The following ASB5 variants were observed in gnomAD, a reference collection of about 807,000 sequenced individuals.
The protein encoded by ASB5 is ankyrin repeat and SOCS box containing 5.
A neutral mutation model predicts 42.1 loss-of-function variants in ASB5; 45 were observed. The ratio of observed to expected loss-of-function variants is 1.07; its 90% confidence interval spans 0.84 to 1.37. The LOEUF is 1.37. Among genes scored for constraint, ASB5 ranks in the 40% most tolerant of loss-of-function variants. The probability of loss-of-function intolerance (pLI) is 0.00; values close to 1 mark genes in which losing one functional copy is unlikely to be tolerated. For synonymous variants in ASB5, 147 were observed against 150.6 expected (o/e 0.98, Z 0.18); for missense variants, 402 against 399.8 (o/e 1.01, Z -0.05).
intron 1 of ASB5, among the ~76,000 whole-genome samples, chr4:176,249,158 G>T (rs1273070077): frequency 1.3e-5 from 2 of 152,188 alleles, no homozygotes; most frequent in Non-Finnish European, 2.9e-5. Context: ...GTAGAGACAG[G>T]GTTTCGCCAT....
intron 1 of ASB5, among the ~76,000 whole-genome samples, chr4:176,263,138 A>G (rs2126977283): frequency 6.6e-6 from 1 of 152,226 alleles, no homozygotes; most frequent in South Asian, 2.1e-4. Flanking sequence ...GTTGTTGAAA[A>G]GCACACACAC....
At chr4:176,258,009 G>A (rs1333253767) in intron 1 of ASB5, among the ~76,000 whole-genome samples, 2 of 152,106 alleles carry the variant, frequency 1.3e-5, no homozygotes, top group South Asian at 2.1e-4. Flanking sequence ...TGTAGTAACC[G>A]TTTGGCAAAC....
At chr4:176,232,691 C>G (rs1322929626) in intron 1 of ASB5, among the ~76,000 whole-genome samples, 1 of 152,200 alleles carries the variant, frequency 6.6e-6, no homozygotes. Context: ...CACAGAGCCA[C>G]AGAAATCCTT....
chr4:176,253,470 C>T (rs1387425194), intron 1 of ASB5, among the ~76,000 whole-genome samples: 1 of 152,148 alleles, frequency 6.6e-6, no homozygotes, highest in Non-Finnish European at 1.5e-5. Flanking sequence ...AGCATTCCTG[C>T]TGAGAACTGG....
chr4:176,238,576 G>A (rs912835179), intron 1 of ASB5, among the ~76,000 whole-genome samples: 12 of 152,310 alleles, frequency 7.9e-5, no homozygotes, highest in East Asian at 5.8e-4. Flanking sequence ...GATTAACTGA[G>A]CTGGTGATCA....
At chr4:176,247,584 A>G (rs1265859126) in intron 1 of ASB5, among the ~76,000 whole-genome samples, 2 of 152,188 alleles carry the variant, frequency 1.3e-5, no homozygotes, top group African/African-American at 2.4e-5. Context: ...GAAATATAGA[A>G]CCCACTTTCC....
intron 1 of ASB5, among the ~76,000 whole-genome samples, chr4:176,246,045 T>TA (rs5864367): frequency 2.0e-5 from 3 of 151,562 alleles, no homozygotes; most frequent in African/African-American, 7.3e-5. Flanking sequence ...TTAAAGTATA[T>TA]AAAAAAAAAT....
chr4:176,219,569 T>C (rs28444070), intron 5 of ASB5, among the ~76,000 whole-genome samples: 1 of 41,222 alleles, frequency 2.4e-5, no homozygotes, highest in African/African-American at 6.8e-5. Context: ...ATGTATATAT[T>C]TGTATGATAT....
At chr4:176,237,813 C>T (rs917327860) in intron 1 of ASB5, among the ~76,000 whole-genome samples, 3 of 152,216 alleles carry the variant, frequency 2.0e-5, no homozygotes, top group African/African-American at 7.2e-5. Context: ...ACAAATCAAT[C>T]AAATGTAAAA....
chr4:176,239,332 T>C (rs1027212696), intron 1 of ASB5, among the ~76,000 whole-genome samples: 3 of 152,190 alleles, frequency 2.0e-5, no homozygotes, highest in Admixed American at 6.5e-5. Context: ...AAGCTTATAC[T>C]TATTATTCTG....
At chr4:176,261,997 G>A (rs1183230543) in intron 1 of ASB5, among the ~76,000 whole-genome samples, 4 of 151,568 alleles carry the variant, frequency 2.6e-5, no homozygotes, top group South Asian at 4.1e-4. Flanking sequence ...TGTGCATGTA[G>A]TACACAACAT....
At chr4:176,275,301 G>A (rs1264811331) in intron 2 of ASB5, among the ~76,000 whole-genome samples, 1 of 152,006 alleles carries the variant, frequency 6.6e-6, no homozygotes, top group African/African-American at 2.4e-5. Flanking sequence ...ATTTACCCTG[G>A]AACATGGCCA....
intron 1 of ASB5, among the ~76,000 whole-genome samples, chr4:176,228,457 A>G (rs1433293790): frequency 6.6e-6 from 1 of 152,238 alleles, no homozygotes; most frequent in Non-Finnish European, 1.5e-5. Flanking sequence ...TTACAATTAA[A>G]GACATTACAA....
In ASB5 at chr4:176,260,013, C is replaced by T. The variant is rs948980111; in HGVS notation, c.196+8900G>A. On this transcript the variant is annotated intron_variant, in intron 1 of 6. Transcript: ENST00000296525. ...TCATCTAATCCCTAGGAAAGAATTT[C>T]GAAAGGATATTCAGCTATGACTCAT... is the stretch of plus-strand genomic sequence containing the variant. 6.6e-5 allele frequency among the ~76,000 whole-genome samples: 10 copies of T among 152,188 alleles called. No homozygotes were observed. The South Asian group carries it at 8.3e-4, about 13-fold the overall frequency.
At chr4:176,242,475 A>G (rs1369564802) in intron 1 of ASB5, among the ~76,000 whole-genome samples, 1 of 152,232 alleles carries the variant, frequency 6.6e-6, no homozygotes, top group African/African-American at 2.4e-5. Context: ...AACTCAGCTT[A>G]GATCAGTTGT....
intron 1 of ASB5, among the ~76,000 whole-genome samples, chr4:176,250,064 C>CAAAAAA (rs5864368): frequency 4.7e-5 from 6 of 126,724 alleles, no homozygotes; most frequent in East Asian, 3.4e-4. Context: ...GACTCCATCT[C>CAAAAAA]AAAAAAAAAA....
In ASB5 at chr4:176,221,137, T is replaced by C; in HGVS notation, c.670+18A>G. The stretch of plus-strand genomic sequence containing the variant: ...TTGTGTGTATGGACAGAATGGAAGA[T>C]GTTTTAAAGGAAAATACCAGCATAA... On this transcript the variant is annotated intron_variant, in intron 5 of 6. Coordinates refer to ENST00000296525, the MANE Select transcript of ASB5 (RefSeq NM_080874.4). 1 of 1,603,646 alleles carries C rather than the reference T, an allele frequency of 6.2e-7. No individual in the cohort carries two copies. The highest frequency in any genetic ancestry group is 1.1e-5 in the South Asian group (1 of 89,146).
intron 1 of ASB5, among the ~76,000 whole-genome samples, chr4:176,264,501 T>C (rs1214117260): frequency 6.6e-6 from 1 of 152,166 alleles, no homozygotes; most frequent in African/African-American, 2.4e-5. Flanking sequence ...TCAGAAGCCT[T>C]GGTGTTTAAA....
rs545640261 is a variant in ASB5 at position 176,261,320 on chromosome 4, A to C, written c.196+7593T>G. On this transcript the variant is annotated intron_variant, in intron 1 of 6. Coordinates refer to ENST00000296525, the MANE Select transcript of ASB5 (RefSeq NM_080874.4). ...AAATCATTATACCAAGTATTTTGTA[A>C]AATATTTATGGTGGTAATTATTTCC... Among the ~76,000 whole-genome samples, 4 of 152,284 alleles carry C rather than the reference A, an allele frequency of 2.6e-5. No individual in the cohort carries two copies. In the South Asian group the frequency reaches 8.3e-4, roughly 32 times the overall value.
Sources: gnomAD v4.1 joint callset for allele counts (sites outside exome capture counted in the v4.1 genomes callset) on GRCh38, gnomAD v4.1.1 for gene constraint, MANE v1.5 for transcripts, NCBI Gene and HGNC (gene_info 2026-07-23, HGNC 2026-07-21) for gene names.